The following SPON1 variants were observed in gnomAD, a reference collection of about 807,000 sequenced individuals.
SPON1 encodes spondin-1.
A neutral mutation model predicts 111.7 loss-of-function variants in SPON1; 52 were observed. The ratio of observed to expected loss-of-function variants is 0.47; its 90% confidence interval spans 0.37 to 0.59. The LOEUF is 0.59. Ranked by LOEUF, SPON1 falls within the 20% of genes least tolerant of loss-of-function variation. The pLI, the probability that SPON1 is intolerant of heterozygous loss-of-function variation, is 0.00. For missense variants in SPON1, 957 were observed against 1,068.5 expected (o/e 0.90, Z 1.46); for synonymous variants, 410 against 395.8 (o/e 1.04, Z -0.43).
At chr11:13,984,893 T>G (rs1303624618) in intron 2 of SPON1, among the ~76,000 whole-genome samples, 1 of 152,212 alleles carries the variant, frequency 6.6e-6, no homozygotes, top group African/African-American at 2.4e-5. Context: ...CAGTCCTATT[T>G]GGAACTGTTG....
At chr11:14,018,538 T>A (rs960610311) in intron 2 of SPON1, among the ~76,000 whole-genome samples, 1 of 152,180 alleles carries the variant, frequency 6.6e-6, no homozygotes, top group African/African-American at 2.4e-5. Flanking sequence ...CTGAGGAGGT[T>A]ATAACTTGGT....
chr11:13,995,694 A>G (rs1405072228), intron 2 of SPON1, among the ~76,000 whole-genome samples: 1 of 152,180 alleles, frequency 6.6e-6, no homozygotes, highest in Non-Finnish European at 1.5e-5. Flanking sequence ...GTCAAAGTCT[A>G]CAGAAGAACT....
chr11:13,974,793 A>G (rs1316206301), intron 1 of SPON1, among the ~76,000 whole-genome samples: 2 of 152,172 alleles, frequency 1.3e-5, no homozygotes, highest in African/African-American at 4.8e-5. Flanking sequence ...CCCCCTCCCC[A>G]GGGTGATATC....
chr11:14,066,481 T>C (rs1848833292), intron 3 of SPON1, among the ~76,000 whole-genome samples: 1 of 152,152 alleles, frequency 6.6e-6, no homozygotes, highest in South Asian at 2.1e-4. Flanking sequence ...TGTCAGAGCT[T>C]CCACAACCGG....
intron 1 of SPON1, among the ~76,000 whole-genome samples, chr11:13,969,637 G>T (rs546747127): frequency 6.6e-6 from 1 of 152,244 alleles, no homozygotes; most frequent in East Asian, 1.9e-4. Context: ...GTCCCATTAG[G>T]ATGGGACTAC....
At chr11:14,003,242 G>A (rs1276523954) in intron 2 of SPON1, among the ~76,000 whole-genome samples, 3 of 152,204 alleles carry the variant, frequency 2.0e-5, no homozygotes, top group Non-Finnish European at 2.9e-5. Flanking sequence ...CTATCCTGAA[G>A]TGGGGCTGGT....
At chr11:14,096,185 C>T (rs935454711) in intron 5 of SPON1, among the ~76,000 whole-genome samples, 43 of 152,188 alleles carry the variant, frequency 2.8e-4, no homozygotes, top group African/African-American at 1.0e-3. Flanking sequence ...CTATGACAAC[C>T]AGTCACTCAT....
At chr11:14,235,088 C>T (rs1040667864) in intron 6 of SPON1, among the ~76,000 whole-genome samples, 2 of 152,172 alleles carry the variant, frequency 1.3e-5, no homozygotes, top group Admixed American at 6.5e-5. Context: ...CCTGGCAGTG[C>T]TGGCACGGCT....
intron 3 of SPON1, among the ~76,000 whole-genome samples, chr11:14,068,873 AT>A (rs1273245202): frequency 1.2e-4 from 18 of 152,306 alleles, no homozygotes; most frequent in African/African-American, 4.1e-4. Flanking sequence ...TTTCTTTAGA[AT>A]GGCATGATCT....
chr11:14,076,935 G>T (rs17556665), intron 4 of SPON1, among the ~76,000 whole-genome samples: 11,282 of 152,092 alleles, frequency 0.074, 569 homozygotes, highest in Middle Eastern at 0.13. Flanking sequence ...TCAACTGCCT[G>T]CAAGTTCACT....
chr11:14,172,438 CT>C (rs1172631308), intron 6 of SPON1, among the ~76,000 whole-genome samples: 1 of 151,594 alleles, frequency 6.6e-6, no homozygotes, highest in Admixed American at 6.6e-5. Flanking sequence ...GGTCTTGACT[CT>C]TTATCCAATT....
chr11:14,131,388 A>G (rs1554927494), intron 5 of SPON1, among the ~76,000 whole-genome samples: 1 of 152,200 alleles, frequency 6.6e-6, no homozygotes, highest in East Asian at 1.9e-4. Context: ...CCTAACACCT[A>G]TTAGATGTTT....
intron 1 of SPON1, among the ~76,000 whole-genome samples, chr11:13,966,139 G>T (rs1554908025): frequency 6.6e-6 from 1 of 152,134 alleles, no homozygotes; most frequent in Non-Finnish European, 1.5e-5. Context: ...CAAGTTGTTA[G>T]TATTATATTG....
intron 3 of SPON1, among the ~76,000 whole-genome samples, chr11:14,060,257 G>A (rs1236825126): frequency 6.6e-6 from 1 of 152,116 alleles, no homozygotes; most frequent in East Asian, 1.9e-4. Flanking sequence ...TGATTTGCTA[G>A]GCTTTTGTAC....
intron 6 of SPON1, among the ~76,000 whole-genome samples, chr11:14,218,494 G>A (rs1040150026): frequency 6.6e-6 from 1 of 152,156 alleles, no homozygotes; most frequent in Non-Finnish European, 1.5e-5. Flanking sequence ...TGATTTCTGT[G>A]TCCCCAGCAC....
intron 7 of SPON1, among the ~76,000 whole-genome samples, chr11:14,244,564 T>C (rs1315953957): frequency 1.3e-5 from 2 of 150,110 alleles, no homozygotes; most frequent in African/African-American, 4.9e-5. Flanking sequence ...CTGGGCAACA[T>C]GGCAAAACCC....
intron 6 of SPON1, among the ~76,000 whole-genome samples, chr11:14,209,552 G>C (rs1848552785): frequency 6.6e-6 from 1 of 152,052 alleles, no homozygotes; most frequent in Non-Finnish European, 1.5e-5. Flanking sequence ...GAGAATAATG[G>C]TTTCCAGCTT....
chr11:14,182,596 G>A (rs1554933777), intron 6 of SPON1, among the ~76,000 whole-genome samples: 1 of 152,088 alleles, frequency 6.6e-6, no homozygotes, highest in East Asian at 1.9e-4. Flanking sequence ...TGTGCAATTT[G>A]GGTATTGCAC....
intron 5 of SPON1, among the ~76,000 whole-genome samples, chr11:14,090,477 G>C (rs1849041713): frequency 6.6e-6 from 1 of 152,134 alleles, no homozygotes. Context: ...TCTGGAGTCT[G>C]TCTCTTCTGA....
Sources: gnomAD v4.1 joint callset for allele counts (sites outside exome capture counted in the v4.1 genomes callset) on GRCh38, gnomAD v4.1.1 for gene constraint, MANE v1.5 for transcripts, NCBI Gene and HGNC (gene_info 2026-07-23, HGNC 2026-07-21) for gene names.